DCHS2: variants seen among roughly 807,000 people sequenced by gnomAD.
DCHS2 encodes the protein dachsous cadherin-related 2.
DCHS2 carries 142 observed loss-of-function variants against 182.4 expected under a neutral mutation model. The ratio of observed to expected loss-of-function variants is 0.78; its 90% CI spans 0.68 to 0.89. The LOEUF (loss-of-function observed/expected upper bound fraction) is 0.89. DCHS2 is among the 40% of genes least tolerant of loss of function. The pLI, the probability that DCHS2 is intolerant of heterozygous loss-of-function variation, is 0.00. For synonymous variants in DCHS2, 1,740 were observed against 1,663.3 expected (o/e 1.05, Z -1.12); for missense variants, 4,319 against 4,198.6 (o/e 1.03, Z -0.79).
intron 1 of DCHS2, among the ~76,000 whole-genome samples, chr4:154,410,543 C>T (rs1318640154): frequency 8.1e-6 from 1 of 123,918 alleles, no homozygotes; most frequent in African/African-American, 3.2e-5. Context: ...CACCTGTAAT[C>T]CCAGTACTTT....
At chr4:154,378,326 A>T (rs1185052900) in intron 1 of DCHS2, among the ~76,000 whole-genome samples, 1 of 152,090 alleles carries the variant, frequency 6.6e-6, no homozygotes, top group Non-Finnish European at 1.5e-5. Context: ...TCATAGGCTC[A>T]TGATAGATAA....
chr4:154,434,062 A>G (rs941433894), intron 1 of DCHS2, among the ~76,000 whole-genome samples: 5 of 152,274 alleles, frequency 3.3e-5, no homozygotes, highest in African/African-American at 1.2e-4. Flanking sequence ...GATAAACGTC[A>G]TGAAGTAAAA....
At chr4:154,256,062 T>C (rs1732651496) in intron 15 of DCHS2, among the ~76,000 whole-genome samples, 1 of 152,206 alleles carries the variant, frequency 6.6e-6, no homozygotes, top group Admixed American at 6.5e-5. Flanking sequence ...TGATAATTTT[T>C]TTTTCATTTG....
chr4:154,421,789 T>C (rs145434326), intron 1 of DCHS2, among the ~76,000 whole-genome samples: 260 of 152,344 alleles, frequency 1.7e-3, no homozygotes, highest in African/African-American at 6.0e-3. Flanking sequence ...TCTCTCTCCA[T>C]CCTGTTGCAG....
intron 5 of DCHS2, chr4:154,331,683 C>T: frequency 6.2e-7 from 1 of 1,613,782 alleles, no homozygotes. Flanking sequence ...CACCATCTGC[C>T]CAGGTTATGA....
intron 5 of DCHS2, 89 bp downstream of exon 5, chr4:154,332,389 A>T: frequency 1.6e-6 from 2 of 1,219,920 alleles, no homozygotes; most frequent in Non-Finnish European, 2.3e-6. Flanking sequence ...GATTTTGTTT[A>T]ATTTTTTATT....
In DCHS2 at chr4:154,305,146, C is replaced by G. The variant is rs1391698671; in HGVS notation, c.5346G>C (p.Val1782=). The change falls in exon 11 of 20, where the codon GTG becomes GTC. Residue 1782 remains valine (V), a synonymous_variant. Coordinates refer to ENST00000357232, the MANE Select transcript of DCHS2 (RefSeq NM_001358235.2). ...FEINSDTGEV[V]TTTILDREIQ... Reference sequence around the variant, plus strand: ...TTTCTCTGTCAAGTATGGTGGTTGTCACTACCTCTCCAGTGTCAGAATTTA... The same window carrying G: ...TTTCTCTGTCAAGTATGGTGGTTGTGACTACCTCTCCAGTGTCAGAATTTA... 4.3e-6 allele frequency: 7 copies of G among 1,612,790 alleles called. No homozygotes were observed. The East Asian group carries it at 1.6e-4, about 36-fold the overall frequency.
Position 154,320,635 on chromosome 4 carries a change from T to G in DCHS2, c.4764A>C (p.Thr1588=). The change falls in exon 9 of 20, where the codon ACA becomes ACC. Residue 1588 remains threonine, a synonymous_variant. Transcript: ENST00000357232. Reference sequence around the variant, plus strand: ...TCACATTCACAGCCTGATCAGATGCTGTTACTGTCAGGATGACAGTTGGAA... The same window carrying G: ...TCACATTCACAGCCTGATCAGATGCGGTTACTGTCAGGATGACAGTTGGAA... ...ESIPTVILTV[T]ASDQAVNVTD... The G allele has an allele frequency of 6.2e-7, 1 of 1,614,188 alleles. No individual in the cohort carries two copies. The highest frequency in any genetic ancestry group is 8.5e-7 in the Non-Finnish European group (1 of 1,180,026).
chr4:154,329,851 C>G (rs1736451308), intron 5 of DCHS2, 141 bp from the exon 6 acceptor site: 2 of 593,808 alleles, frequency 3.4e-6, no homozygotes, highest in African/African-American at 1.8e-5. Flanking sequence ...TAGTTTGGCT[C>G]TATGGTACTG....
intron 13 of DCHS2, among the ~76,000 whole-genome samples, chr4:154,270,880 A>T (rs4076040): frequency 0.48 from 72,742 of 151,854 alleles, 18,825 homozygotes; most frequent in Non-Finnish European, 0.58. Flanking sequence ...TAGCTGTAGG[A>T]AAAAGCAACC....
At position 154,331,805 on chromosome 4, in the gene DCHS2, T is replaced by C. The variant is rs528194121; in HGVS notation, c.3730+673A>G. 2.3e-4 allele frequency: 329 copies of C among 1,401,020 alleles called. No homozygotes were observed. In the African/African-American group the frequency reaches 4.3e-3, roughly 18 times the overall value. 86.8% of individuals were successfully genotyped at this position (1,401,020 alleles called of 1,614,324 possible). On this transcript the variant is annotated intron_variant, in intron 5 of 19. Coordinates refer to ENST00000357232, the MANE Select transcript of DCHS2 (RefSeq NM_001358235.2). ...ATCTGAGTTTCAGTTTTCCCGGGTA[T>C]GTATTTGCAGTATAGATATGTTTCA...
In DCHS2 at chr4:154,235,409, A is replaced by C; in HGVS notation, c.9243T>G (p.Asp3081Glu). Residue 3081 changes from aspartate to glutamate, a missense_variant, in exon 20 of 20, where the codon GAT becomes GAG. Coordinates refer to ENST00000357232, the MANE Select transcript of DCHS2 (RefSeq NM_001358235.2). The part of the protein sequence containing the change: ...WLSLISIMEK[D>E]IVNLYRHSNS... ...TTGAGTGTCTGTACAGATTGACAAT[A>C]TCCTTCTCCATGATACTTATTAAAC... 1 of 1,614,038 alleles carries C rather than the reference A, an allele frequency of 6.2e-7. No individual in the cohort carries two copies. Among genetic ancestry groups the C allele is most frequent in the Middle Eastern group, 1.7e-4 (1 of 6,058 alleles).
intron 1 of DCHS2, among the ~76,000 whole-genome samples, chr4:154,440,258 T>C (rs986729738): frequency 3.3e-5 from 5 of 152,164 alleles, no homozygotes; most frequent in Non-Finnish European, 7.4e-5. Context: ...GCATGAGTTA[T>C]AAAGAGGCTG....
intron 1 of DCHS2, among the ~76,000 whole-genome samples, chr4:154,392,934 G>A (rs902567716): frequency 3.9e-5 from 6 of 152,144 alleles, no homozygotes; most frequent in Admixed American, 6.5e-5. Context: ...TTTAATACAT[G>A]TGCATAATCT....
chr4:154,378,927 G>A (rs566898731), intron 1 of DCHS2, among the ~76,000 whole-genome samples: 5 of 152,102 alleles, frequency 3.3e-5, no homozygotes, highest in East Asian at 1.9e-4. Context: ...TTTACCCCAG[G>A]TATATGTTGT....
chr4:154,386,842 C>T (rs1731445209), intron 1 of DCHS2, among the ~76,000 whole-genome samples: 1 of 152,174 alleles, frequency 6.6e-6, no homozygotes. Context: ...GTTCGTGACA[C>T]TCATCAAACA....
chr4:154,252,170 C>CAA (rs1160121582), intron 16 of DCHS2, among the ~76,000 whole-genome samples: 1 of 151,904 alleles, frequency 6.6e-6, no homozygotes, highest in Non-Finnish European at 1.5e-5. Context: ...TTTTCTTTTT[C>CAA]AATTTTTAAT....
rs1735671799 is a variant in DCHS2, at chr4:154,311,504, G to T, written c.5260+4244C>A. Among the ~76,000 whole-genome samples, 5 of 152,130 alleles carry T rather than the reference G, an allele frequency of 3.3e-5. No homozygotes were observed. The South Asian group carries it at 1.0e-3, about 32-fold the overall frequency. On this transcript the variant is annotated intron_variant, in intron 10 of 19. Transcript: ENST00000357232. ...CCCACCTCGGCCTTCCAAAGCACTA[G>T]TATTACAGGCATGAGCCACCGTGCC...
intron 10 of DCHS2, among the ~76,000 whole-genome samples, chr4:154,311,458 C>T (rs1460873770): frequency 2.6e-5 from 4 of 151,420 alleles, no homozygotes; most frequent in Admixed American, 6.6e-5. Context: ...TGGTCTTGAA[C>T]TCCTGGCTTC....
Sources: allele counts gnomAD v4.1 joint callset (sites outside exome capture counted in the v4.1 genomes callset), GRCh38; gene constraint gnomAD v4.1.1; transcripts MANE v1.5; gene names NCBI Gene and HGNC (gene_info 2026-07-23, HGNC 2026-07-21).